SMUG1: variants seen among roughly 807,000 people sequenced by gnomAD.
SMUG1 encodes the protein single-strand-selective monofunctional uracil-DNA glycosylase 1, also known as single-strand selective monofunctional uracil DNA glycosylase.
Under a neutral mutation model 23.9 loss-of-function variants are expected in SMUG1, and 13 were observed. The ratio of observed to expected loss-of-function variants is 0.54; its 90% CI spans 0.35 to 0.86. The LOEUF is 0.86. Ranked by LOEUF, SMUG1 falls within the 40% of genes least tolerant of loss-of-function variation. The probability of loss-of-function intolerance (pLI) is 0.01; values close to 1 mark genes in which losing one functional copy is unlikely to be tolerated. For synonymous variants in SMUG1, 133 were observed against 139.8 expected, an observed-to-expected ratio of 0.95 and a Z score of 0.34; for missense variants, 313 against 339.5, an observed-to-expected ratio of 0.92 and a Z score of 0.61.
At chr12:54,186,268 CAT>C (rs1268474834) in intron 2 of SMUG1, among the ~76,000 whole-genome samples, 6 of 152,238 alleles carry the variant, frequency 3.9e-5, no homozygotes, top group South Asian at 4.1e-4. Flanking sequence ...CAGTATTTGC[CAT>C]AGTGTCCCAA....
chr12:54,183,553 C>T (rs1941615793), intron 3 of SMUG1, 103 bp downstream of exon 3: 1 of 1,196,300 alleles, frequency 8.4e-7, no homozygotes, highest in Non-Finnish European at 1.2e-6. Flanking sequence ...GGAGGACCTA[C>T]ACATGTCTAC....
At chr12:54,173,164 G>A (rs1940666036) in intron 2 of SMUG1, 1 of 153,956 alleles carries the variant, frequency 6.5e-6, no homozygotes, top group Non-Finnish European at 1.5e-5. Flanking sequence ...CAAAGTCAGA[G>A]GCAGAAACAG....
intron 2 of SMUG1, chr12:54,173,180 A>C (rs550145927): frequency 4.8e-4 from 74 of 154,296 alleles, no homozygotes; most frequent in Non-Finnish European, 7.0e-4. Flanking sequence ...AACAGCAGCG[A>C]GAAAAGCAAA....
intron 3 of SMUG1, among the ~76,000 whole-genome samples, chr12:54,170,055 G>A (rs1228838144): frequency 1.3e-5 from 2 of 152,138 alleles, no homozygotes; most frequent in Admixed American, 1.3e-4. Context: ...AAAATTAGCC[G>A]GGTGTGGTGG....
Position 54,183,744 on chromosome 12 carries a change from C to T in SMUG1, c.197G>A (p.Arg66His), listed in dbSNP as rs547497060. 33 of 1,614,046 alleles carry T rather than the reference C, an allele frequency of 2.0e-5. No homozygotes were observed. In the East Asian group the frequency reaches 4.0e-4, roughly 20 times the overall value. The change falls in exon 3 of 4, where the codon CGC becomes CAC. Residue 66 changes from arginine (R) to histidine (H), a missense_variant. Coordinates refer to ENST00000682136, the MANE Select transcript of SMUG1 (RefSeq NM_001243787.2). ...NPVEYAWEPH[R>H]NYVTRYCQGP... ...CTGGCAGTAGCGAGTCACGTAGTTGCGATGTGGCTCCCATGCATACTCCAC... is the reference window on the plus strand; with the variant it reads ...CTGGCAGTAGCGAGTCACGTAGTTGTGATGTGGCTCCCATGCATACTCCAC...
chr12:54,188,686 TG>T (rs1465008367), intron 1 of SMUG1: 1 of 152,138 alleles, frequency 6.6e-6, no homozygotes, highest in Non-Finnish European at 1.5e-5. Context: ...CCATTTCATC[TG>T]GTTCCAAAGG....
chr12:54,170,267 A>G (rs991064375), intron 3 of SMUG1, among the ~76,000 whole-genome samples: 8 of 152,120 alleles, frequency 5.3e-5, no homozygotes, highest in African/African-American at 1.9e-4. Context: ...CAAAGCAGTA[A>G]AGGTGAACTA....
At chr12:54,163,666 G>A (rs532002954), downstream of SMUG1, among the ~76,000 whole-genome samples, 1 of 152,206 alleles carries the variant, frequency 6.6e-6, no homozygotes, top group South Asian at 2.1e-4. Flanking sequence ...GGCTGGAATC[G>A]ACCCCTGTGG....
At position 54,181,944 on chromosome 12, in the gene SMUG1, G is replaced by A. The variant is rs934767707; in HGVS notation, c.*152C>T. Reference sequence around the variant, plus strand: ...GTGTCAAAACTGCCATGGCAGGTTGGAAGACAGTTCAACAGATCAAAGAAT... The same window carrying A: ...GTGTCAAAACTGCCATGGCAGGTTGAAAGACAGTTCAACAGATCAAAGAAT... On this transcript the variant is annotated 3_prime_UTR_variant, in exon 4 of 4. Transcript: ENST00000682136. The A allele has an allele frequency of 4.0e-6, 6 of 1,481,542 alleles. No homozygotes were observed. The highest frequency in any genetic ancestry group is 5.4e-6 in the Non-Finnish European group (6 of 1,119,494). 91.8% of individuals were successfully genotyped at this position (1,481,542 alleles called of 1,614,324 possible). A position where few individuals can be genotyped will look rare whatever the true frequency, so the allele number is the denominator to read the frequency against.
intron 3 of SMUG1, among the ~76,000 whole-genome samples, chr12:54,167,005 G>C (rs1940488241): frequency 6.6e-6 from 1 of 152,194 alleles, no homozygotes; most frequent in South Asian, 2.1e-4. Flanking sequence ...ATCTAAGCAG[G>C]AAAAGCCTCC....
chr12:54,160,176 G>A (rs1234273009), downstream of SMUG1, among the ~76,000 whole-genome samples: 9 of 152,262 alleles, frequency 5.9e-5, no homozygotes, highest in Non-Finnish European at 1.3e-4. Flanking sequence ...TGGCAGGAAA[G>A]AAGAAAGAGA....
chr12:54,179,010 T>C (rs1940819349), downstream of SMUG1, among the ~76,000 whole-genome samples: 1 of 152,220 alleles, frequency 6.6e-6, no homozygotes, highest in Non-Finnish European at 1.5e-5. Context: ...CTTTCTCCCA[T>C]GCTGGATGCT....
chr12:54,164,931 C>G (rs1940399109), intron 4 of SMUG1: 1 of 152,182 alleles, frequency 6.6e-6, no homozygotes, highest in Non-Finnish European at 1.5e-5. Flanking sequence ...TTATATCATT[C>G]TGCTAAGAAT....
chr12:54,172,244 C>G (rs924487227), intron 2 of SMUG1: 2 of 386,596 alleles, frequency 5.2e-6, no homozygotes, highest in African/African-American at 4.1e-5. Context: ...CCTCTTAGAT[C>G]TCATCACTTA....
intron 3 of SMUG1, among the ~76,000 whole-genome samples, chr12:54,171,470 T>C (rs892741560): frequency 6.6e-6 from 1 of 151,024 alleles, no homozygotes; most frequent in African/African-American, 2.4e-5. Context: ...GGTGGGCAGA[T>C]CACGAGGTCA....
intron 3 of SMUG1, chr12:54,171,915 A>T: frequency 2.9e-6 from 1 of 343,196 alleles, no homozygotes; most frequent in Admixed American, 3.0e-5. Flanking sequence ...TCTTTCTTTC[A>T]TACGCTCTCA....
downstream of SMUG1, among the ~76,000 whole-genome samples, chr12:54,175,424 T>A (rs1940728938): frequency 6.6e-6 from 1 of 152,194 alleles, no homozygotes; most frequent in African/African-American, 2.4e-5. Flanking sequence ...TCTGAGCCCC[T>A]CCCCTCATCC....
chr12:54,168,882 T>C (rs1326825592), intron 3 of SMUG1, among the ~76,000 whole-genome samples: 3 of 152,096 alleles, frequency 2.0e-5, no homozygotes, highest in Non-Finnish European at 4.4e-5. Context: ...CAAGGAAGAA[T>C]GCTGAACAGA....
At chr12:54,173,429 G>A (rs1260108173) in intron 2 of SMUG1, among the ~76,000 whole-genome samples, 3 of 152,148 alleles carry the variant, frequency 2.0e-5, no homozygotes, top group African/African-American at 4.8e-5. Flanking sequence ...GGGGAGTGGC[G>A]GGAAGCGGCC....
Sources: allele counts gnomAD v4.1 joint callset (sites outside exome capture counted in the v4.1 genomes callset), GRCh38; gene constraint gnomAD v4.1.1; transcripts MANE v1.5; gene names NCBI Gene and HGNC (gene_info 2026-07-23, HGNC 2026-07-21).